MEI1: variants seen among roughly 807,000 people sequenced by gnomAD.
The protein encoded by MEI1 is meiosis inhibitor protein 1.
MEI1 carries 103 observed loss-of-function variants against 146.2 expected under a neutral mutation model. The ratio of observed to expected loss-of-function variants is 0.70; its 90% CI spans 0.60 to 0.83. The LOEUF is 0.83. Ranked by LOEUF, MEI1 falls within the 40% of genes least tolerant of loss-of-function variation. MEI1 has a pLI of 0.00. For missense variants in MEI1, 1,529 were observed against 1,533.0 expected (o/e 1.00, Z 0.04); for synonymous variants, 652 against 628.2 (o/e 1.04, Z -0.57).
At chr22:41,785,673 C>T (rs1258442360) in intron 26 of MEI1, among the ~76,000 whole-genome samples, 1 of 151,718 alleles carries the variant, frequency 6.6e-6, no homozygotes, top group Non-Finnish European at 1.5e-5. Context: ...AAGTGATTCT[C>T]CTGTCTCAGC....
chr22:41,732,208 A>G (rs377253532), intron 9 of MEI1, 37 bp from the exon 10 acceptor site: 6 of 1,517,800 alleles, frequency 4.0e-6, no homozygotes, highest in South Asian at 2.4e-5. Flanking sequence ...ACAAGAGAGC[A>G]CTGATCCCTG....
chr22:41,721,471 C>G (rs909788875), intron 6 of MEI1, among the ~76,000 whole-genome samples: 1 of 150,742 alleles, frequency 6.6e-6, no homozygotes, highest in Non-Finnish European at 1.5e-5. Flanking sequence ...GTCTCCATCT[C>G]CTGACCTCGT....
intron 15 of MEI1, among the ~76,000 whole-genome samples, chr22:41,749,393 A>G (rs956666497): frequency 6.6e-6 from 1 of 151,960 alleles, no homozygotes; most frequent in Non-Finnish European, 1.5e-5. Flanking sequence ...CTCCTGAGTC[A>G]GCCTTCCAAG....
intron 6 of MEI1, chr22:41,722,252 T>A (rs2070919312): frequency 6.6e-6 from 1 of 151,796 alleles, no homozygotes; most frequent in Non-Finnish European, 1.5e-5. Context: ...TATGTCATCT[T>A]ATTCACTTAC....
intron 21 of MEI1, among the ~76,000 whole-genome samples, chr22:41,777,141 G>A: frequency 7.0e-6 from 1 of 142,766 alleles, no homozygotes; most frequent in Non-Finnish European, 1.5e-5. Flanking sequence ...TTTTAGAGAA[G>A]CTGAATTTTA....
chr22:41,717,618 CTT>C (rs386395487), intron 5 of MEI1, among the ~76,000 whole-genome samples: 22 of 138,208 alleles, frequency 1.6e-4, no homozygotes, highest in Non-Finnish European at 2.0e-4. Context: ...TTTTTCTTTT[CTT>C]TTTTTTTTTT....
chr22:41,737,381 C>T (rs560897265), intron 11 of MEI1, among the ~76,000 whole-genome samples: 3 of 151,996 alleles, frequency 2.0e-5, no homozygotes, highest in South Asian at 4.1e-4. Flanking sequence ...GGACTACAGG[C>T]GCCCACCACC....
chr22:41,754,110 C>G, intron 17 of MEI1, 64 bp downstream of exon 17: 1 of 1,202,144 alleles, frequency 8.3e-7, no homozygotes, highest in African/African-American at 1.5e-5. Flanking sequence ...GGGTGCCTTG[C>G]TGATTGACTA....
At chr22:41,779,609 CGGAATACTTATCTAGTTGTTAAGATAA>C (rs1569311850) in intron 22 of MEI1, among the ~76,000 whole-genome samples, 1 of 152,066 alleles carries the variant, frequency 6.6e-6, no homozygotes, top group African/African-American at 2.4e-5. Flanking sequence ...GGTTAAGATA[CGGAATACTTATCTAGTTGTTAAGATAA>C]GGAATACTTA....
chr22:41,723,029 T>C (rs1016194230), intron 6 of MEI1, among the ~76,000 whole-genome samples: 1 of 152,238 alleles, frequency 6.6e-6, no homozygotes, highest in African/African-American at 2.4e-5. Context: ...TCTCTGTATC[T>C]GGAATACTTC....
Position 41,723,949 on chromosome 22 carries a change from T to C in MEI1, c.740T>C (p.Leu247Pro), listed in dbSNP as rs2071091682. Residue 247 changes from leucine (L) to proline (P), a missense_variant, in exon 7 of 31, where the codon CTG (leucine) becomes CCG (proline). Leu to Pro is a moderately conservative substitution (Grantham distance 98). Around this residue, in one of 3 missense-constraint regions of MEI1, gnomAD observed 1,212 missense variants for 1,178.9 expected, o/e 1.03. Coordinates refer to ENST00000401548, the MANE Select transcript of MEI1 (RefSeq NM_152513.4). The part of the protein sequence containing the change: ...KELQINCLGL[L>P]RQLLKYDLFV... ...CAATCCCTTTGTTTCCTAGGTTTGC[T>C]GAGGCAGCTGTTGAAGTATGATCTC... 1 of 1,599,206 alleles carries C rather than the reference T, an allele frequency of 6.3e-7. No individual in the cohort carries two copies. Among genetic ancestry groups the C allele is most frequent in the Non-Finnish European group, 8.5e-7 (1 of 1,172,764 alleles).
intron 9 of MEI1, among the ~76,000 whole-genome samples, chr22:41,731,509 C>G (rs998286436): frequency 4.1e-5 from 5 of 122,540 alleles, no homozygotes; most frequent in East Asian, 6.2e-4. Context: ...CGACTGCCAG[C>G]ACACCTGGCT....
chr22:41,710,522 A>G (rs1399148129), intron 3 of MEI1, among the ~76,000 whole-genome samples: 1 of 152,166 alleles, frequency 6.6e-6, no homozygotes, highest in African/African-American at 2.4e-5. Context: ...ATAGAACCCT[A>G]TCCTTTCAGA....
At chr22:41,771,372 T>G (rs1039914678) in intron 20 of MEI1, among the ~76,000 whole-genome samples, 1 of 152,222 alleles carries the variant, frequency 6.6e-6, no homozygotes, top group Non-Finnish European at 1.5e-5. Context: ...TTTTTTGCCA[T>G]GACTTACATG....
intron 19 of MEI1, among the ~76,000 whole-genome samples, chr22:41,768,763 G>T (rs6002472): frequency 7.9e-5 from 12 of 152,226 alleles, no homozygotes; most frequent in Admixed American, 3.9e-4. Context: ...GAACAGCAAC[G>T]GGGAGGTCCA....
At chr22:41,711,651 G>A (rs564540972) in intron 3 of MEI1, among the ~76,000 whole-genome samples, 1 of 152,278 alleles carries the variant, frequency 6.6e-6, no homozygotes, top group African/African-American at 2.4e-5. Flanking sequence ...GTTTCTGTGC[G>A]TGTTCGCCTA....
chr22:41,746,044 A>G lies in MEI1; in HGVS notation c.1680+18A>G, dbSNP rs1212506709. On this transcript the variant is annotated intron_variant, in intron 14 of 30. Transcript: ENST00000401548. Reference sequence around the variant, plus strand: ...TGGTGATGGTGGGTTCTCCTGAGCCACGGGCAACATGAAGCTTGGGGAAGA... The same window carrying G: ...TGGTGATGGTGGGTTCTCCTGAGCCGCGGGCAACATGAAGCTTGGGGAAGA... 1.3e-6 allele frequency: 2 copies of G among 1,567,514 alleles called. No homozygotes were observed. Among genetic ancestry groups the G allele is most frequent in the East Asian group, 4.7e-5 (2 of 42,880 alleles).
intron 22 of MEI1, among the ~76,000 whole-genome samples, chr22:41,779,754 C>T (rs1013073162): frequency 6.6e-6 from 1 of 152,172 alleles, no homozygotes; most frequent in African/African-American, 2.4e-5. Context: ...CTCTCCAGCT[C>T]ATCCTACAAT....
intron 7 of MEI1, among the ~76,000 whole-genome samples, chr22:41,724,891 C>T (rs2071185627): frequency 6.6e-6 from 1 of 151,890 alleles, no homozygotes; most frequent in African/African-American, 2.4e-5. Context: ...GCAGCCTCAA[C>T]CTCCTGGGCT....
Sources: gnomAD v4.1 joint callset for allele counts (sites outside exome capture counted in the v4.1 genomes callset) on GRCh38, gnomAD v4.1.1 for gene constraint, gnomAD v4.1.1 regional missense constraint, MANE v1.5 for transcripts, NCBI Gene and HGNC (gene_info 2026-07-23, HGNC 2026-07-21) for gene names.